TLK1: variants seen among roughly 807,000 people sequenced by gnomAD.
TLK1 encodes serine/threonine-protein kinase tousled-like 1.
Under a neutral mutation model 105.3 loss-of-function variants are expected in TLK1, and 24 were observed. That is an observed-to-expected ratio of 0.23 (90% CI 0.17 to 0.32). TLK1 has a LOEUF of 0.32. Ranked by LOEUF, TLK1 falls within the 10% of genes least tolerant of loss-of-function variation. The pLI is 1.00. For missense variants in TLK1, 558 were observed against 910.5 expected (o/e 0.61, Z 4.98); for synonymous variants, 321 against 310.4 (o/e 1.03, Z -0.36).
intron 2 of TLK1, among the ~76,000 whole-genome samples, chr2:171,107,459 G>C (rs1689978162): frequency 6.6e-6 from 1 of 152,162 alleles, no homozygotes; most frequent in South Asian, 2.1e-4. Flanking sequence ...GTCAAATGGT[G>C]AGTGTTCTGA....
intron 17 of TLK1, 64 bp downstream of exon 17, chr2:171,006,405 ATAACT>A (rs2105362718): frequency 2.7e-6 from 4 of 1,495,008 alleles, no homozygotes; most frequent in East Asian, 2.3e-5. Flanking sequence ...ATGTTTTCAG[ATAACT>A]TAATGAATGA....
At chr2:171,010,747 G>A (rs1257517162) in intron 14 of TLK1, among the ~76,000 whole-genome samples, 2 of 152,088 alleles carry the variant, frequency 1.3e-5, no homozygotes, top group Non-Finnish European at 2.9e-5. Context: ...TTCAGGACAT[G>A]TTAATACTTC....
chr2:171,031,637 A>G (rs1686051958), intron 11 of TLK1, among the ~76,000 whole-genome samples: 1 of 151,872 alleles, frequency 6.6e-6, no homozygotes, highest in Non-Finnish European at 1.5e-5. Context: ...TTATGCACAC[A>G]TAATATTTTA....
At chr2:171,201,305 A>G (rs934571040) in intron 1 of TLK1, among the ~76,000 whole-genome samples, 4 of 152,204 alleles carry the variant, frequency 2.6e-5, no homozygotes, top group Non-Finnish European at 5.9e-5. Flanking sequence ...GTTAATTACT[A>G]TTGAAATGCC....
chr2:171,224,353 A>G (rs935725062), intron 1 of TLK1, among the ~76,000 whole-genome samples: 1 of 152,190 alleles, frequency 6.6e-6, no homozygotes, highest in East Asian at 1.9e-4. Context: ...GCTTTGTAGT[A>G]TAATTTAAGT....
intron 12 of TLK1, among the ~76,000 whole-genome samples, chr2:171,022,254 G>T (rs1198779876): frequency 6.6e-6 from 1 of 152,134 alleles, no homozygotes; most frequent in Non-Finnish European, 1.5e-5. Flanking sequence ...AGGTCCATAT[G>T]TGAGTAAGAG....
At chr2:171,096,442 A>G (rs1023083277) in intron 2 of TLK1, among the ~76,000 whole-genome samples, 5 of 152,258 alleles carry the variant, frequency 3.3e-5, no homozygotes, top group South Asian at 4.1e-4. Context: ...CATTTACAAT[A>G]GCATAAAAAA....
At chr2:170,999,174 T>G (rs182400270) in intron 18 of TLK1, among the ~76,000 whole-genome samples, 25 of 152,328 alleles carry the variant, frequency 1.6e-4, no homozygotes, top group Admixed American at 1.4e-3. Flanking sequence ...AAAATTTAGA[T>G]AAACTTAAAA....
chr2:171,004,674 T>C (rs1407272804), intron 18 of TLK1, among the ~76,000 whole-genome samples: 2 of 152,208 alleles, frequency 1.3e-5, no homozygotes, highest in Admixed American at 1.3e-4. Context: ...GAATAATTTA[T>C]TGTTTAGAAC....
chr2:171,044,687 T>A (rs955124811), intron 11 of TLK1, among the ~76,000 whole-genome samples: 1 of 152,106 alleles, frequency 6.6e-6, no homozygotes, highest in Non-Finnish European at 1.5e-5. Context: ...CTAGGACATA[T>A]CCCTAAAAGT....
At chr2:171,037,241 A>G (rs758494804) in intron 11 of TLK1, among the ~76,000 whole-genome samples, 14 of 152,084 alleles carry the variant, frequency 9.2e-5, no homozygotes, top group Non-Finnish European at 1.8e-4. Flanking sequence ...CGGGAGTTCA[A>G]GACCAGCCTG....
intron 3 of TLK1, chr2:171,081,660 A>G (rs965331812): frequency 7.7e-7 from 1 of 1,304,262 alleles, no homozygotes; most frequent in Non-Finnish European, 1.0e-6. Context: ...CCTACTGCAG[A>G]TAAAGTCCCG....
intron 1 of TLK1, among the ~76,000 whole-genome samples, chr2:171,169,393 A>AAT (rs1486209413): frequency 2.0e-5 from 3 of 152,242 alleles, no homozygotes; most frequent in East Asian, 1.9e-4. Context: ...AGCAGCATAA[A>AAT]ATATATATAT....
intron 1 of TLK1, among the ~76,000 whole-genome samples, chr2:171,148,921 G>C (rs1305643247): frequency 6.8e-6 from 1 of 146,536 alleles, no homozygotes; most frequent in Non-Finnish European, 1.5e-5. Context: ...ATGTGTGTGT[G>C]TGTGTGCGTG....
chr2:171,067,160 G>GTTTTT (rs11399480), intron 3 of TLK1, among the ~76,000 whole-genome samples: 3 of 141,094 alleles, frequency 2.1e-5, no homozygotes. Context: ...GTGCACTTAG[G>GTTTTT]TTTTTTTTTT....
At chr2:171,151,179 G>A (rs1267754095) in intron 1 of TLK1, among the ~76,000 whole-genome samples, 3 of 151,792 alleles carry the variant, frequency 2.0e-5, no homozygotes, top group Non-Finnish European at 2.9e-5. Flanking sequence ...CACAATGCCC[G>A]GCTAATTTTT....
intron 3 of TLK1, among the ~76,000 whole-genome samples, chr2:171,073,890 T>C (rs1359337276): frequency 7.2e-6 from 1 of 138,598 alleles, no homozygotes; most frequent in Non-Finnish European, 1.6e-5. Context: ...CCCCTCCTTT[T>C]TTTTTCTTTC....
intron 1 of TLK1, among the ~76,000 whole-genome samples, chr2:171,131,682 T>TC (rs1414401546): frequency 1.2e-4 from 18 of 152,118 alleles, no homozygotes; most frequent in Non-Finnish European, 2.6e-4. Flanking sequence ...TTCACTTCTT[T>TC]CCCTTTTTAC....
rs1308024574 is a variant in TLK1, at chr2:170,992,609, C to T, written c.*1171G>A. 1 of 152,470 alleles carries T rather than the reference C, an allele frequency of 6.6e-6. No homozygotes were observed. The highest frequency in any genetic ancestry group is 2.4e-5 in the African/African-American group (1 of 41,416). The allele number at this position is 152,470 out of a possible 1,614,324, so 9.4% of individuals were successfully genotyped here. A position where few individuals can be genotyped will look rare whatever the true frequency, so the allele number is the denominator to read the frequency against. ...ATCTATGTGTTCTACAGCCCTAGAA[C>T]CCAATAAACTGATTTAAAAACTCAA... On this transcript the variant is annotated 3_prime_UTR_variant, in exon 21 of 21. Transcript: ENST00000431350.
Sources: gnomAD v4.1 joint callset for allele counts (sites outside exome capture counted in the v4.1 genomes callset) on GRCh38, gnomAD v4.1.1 for gene constraint, MANE v1.5 for transcripts, NCBI Gene and HGNC (gene_info 2026-07-23, HGNC 2026-07-21) for gene names.